RASGEF1C: variants seen among roughly 807,000 people sequenced by gnomAD.
The protein encoded by RASGEF1C is RasGEF domain family member 1C.
In RASGEF1C, 27 loss-of-function variants were observed where a neutral mutation model predicts 58.1. The observed-to-expected ratio is 0.46, with a 90% CI of 0.34 to 0.64. RASGEF1C has a LOEUF of 0.64. RASGEF1C is among the 30% of genes least tolerant of loss of function. RASGEF1C has a pLI of 0.01. For synonymous variants in RASGEF1C, 243 were observed against 246.3 expected (o/e 0.99, Z 0.13); for missense variants, 502 against 605.1 (o/e 0.83, Z 1.79).
At chr5:180,107,289 T>A (rs1476397360) in intron 12 of RASGEF1C, among the ~76,000 whole-genome samples, 1 of 152,216 alleles carries the variant, frequency 6.6e-6, no homozygotes, top group Non-Finnish European at 1.5e-5. Flanking sequence ...AGGACTTAAG[T>A]CTGCCTTTTT....
rs1443131389 is a variant in RASGEF1C, at chr5:180,159,061, TTTTG to T, written c.-6-21007_-6-21004del. On this transcript the variant is annotated intron_variant, in intron 1 of 13. Transcript: ENST00000361132. ...TTTTTTTTGTCCTTTGAATGCTACT[TTTTG>T]TTCTTTTTTTCAGAGATGTAATATC... Among the ~76,000 whole-genome samples the T allele has an allele frequency of 5.9e-5, 9 of 152,234 alleles. No individual in the cohort carries two copies. The East Asian group carries it at 1.5e-3, about 26-fold the overall frequency.
chr5:180,195,367 TGA>T (rs1441090362), intron 1 of RASGEF1C, among the ~76,000 whole-genome samples: 1 of 152,124 alleles, frequency 6.6e-6, no homozygotes, highest in Non-Finnish European at 1.5e-5. Context: ...AGGAGGTGTA[TGA>T]GACGACGACA....
chr5:180,119,028 G>A (rs1766122168), intron 8 of RASGEF1C, among the ~76,000 whole-genome samples, 162 bp from the exon 9 acceptor site: 1 of 152,214 alleles, frequency 6.6e-6, no homozygotes, highest in Non-Finnish European at 1.5e-5. Flanking sequence ...TCATGGTCAG[G>A]TAGGCCTGCT....
chr5:180,152,568 TGGGGGG>T lies in RASGEF1C; in HGVS notation c.-6-14516_-6-14511del, dbSNP rs1241932634. Among the ~76,000 whole-genome samples, 3 of 35,804 alleles carry T rather than the reference TGGGGGG, an allele frequency of 8.4e-5. No homozygotes were observed. In the South Asian group the frequency reaches 3.7e-3, roughly 44 times the overall value. The allele number at this position is 35,804 out of a possible 152,430, so 23.5% of individuals were successfully genotyped here. A position where few individuals can be genotyped will look rare whatever the true frequency, so the allele number is the denominator to read the frequency against. On this transcript the variant is annotated intron_variant, in intron 1 of 13. Transcript: ENST00000361132. ...TCACACACCGGGGCCTGTTGTGGGG[TGGGGGG>T]AGGGGGGAGGGATAGCATTAGGAGA...
intron 1 of RASGEF1C, among the ~76,000 whole-genome samples, chr5:180,175,582 C>G (rs897159752): frequency 6.6e-6 from 1 of 152,242 alleles, no homozygotes; most frequent in Non-Finnish European, 1.5e-5. Context: ...ATTTCCCGAG[C>G]CTGAGCAGTC....
At chr5:180,136,737 G>A in intron 3 of RASGEF1C, 1 of 563,638 alleles carries the variant, frequency 1.8e-6, no homozygotes, top group Non-Finnish European at 3.1e-6. Flanking sequence ...TGGCCTTTCT[G>A]CGGTTGACGG....
At chr5:180,141,436 C>G (rs947553719) in intron 1 of RASGEF1C, among the ~76,000 whole-genome samples, 2 of 152,314 alleles carry the variant, frequency 1.3e-5, no homozygotes, top group Non-Finnish European at 2.9e-5. Context: ...TTGAGGACGT[C>G]ATGCTAAGTG....
In RASGEF1C at chr5:180,121,050, G is replaced by A. The variant is rs764473336; in HGVS notation, c.804+10C>T. The A allele has an allele frequency of 2.5e-6, 4 of 1,608,688 alleles. No homozygotes were observed. Among genetic ancestry groups the A allele is most frequent in the Non-Finnish European group, 8.5e-7 (1 of 1,175,182 alleles). On this transcript the variant is annotated intron_variant, in intron 7 of 13. Transcript: ENST00000361132. ...ATGCCAGGTGGTGCCCACCCTGGCT[G>A]TCTACTCACCATGCAGATCTCAGTT... is the stretch of plus-strand genomic sequence containing the variant.
chr5:180,119,523 G>T, intron 7 of RASGEF1C, 75 bp from the exon 8 acceptor site: 1 of 1,133,302 alleles, frequency 8.8e-7, no homozygotes, highest in Non-Finnish European at 1.3e-6. Flanking sequence ...CCCCTCACCT[G>T]GCCCGCTTCA....
At chr5:180,123,813 T>G (rs973632155) in intron 6 of RASGEF1C, among the ~76,000 whole-genome samples, 12 of 152,018 alleles carry the variant, frequency 7.9e-5, no homozygotes, top group African/African-American at 1.2e-4. Context: ...GAACCTCGGA[T>G]AAGATTGATA....
intron 1 of RASGEF1C, among the ~76,000 whole-genome samples, chr5:180,139,541 C>T (rs1766542109): frequency 6.6e-6 from 1 of 152,190 alleles, no homozygotes; most frequent in Non-Finnish European, 1.5e-5. Flanking sequence ...GACTGGGTTA[C>T]AGCATGGGAA....
Position 180,119,423 on chromosome 5 carries a change from T to C in RASGEF1C, c.830A>G (p.Gln277Arg), listed in dbSNP as rs1385661032. 6.2e-7 allele frequency: 1 copy of C among 1,614,154 alleles called. No individual in the cohort carries two copies. The highest frequency in any genetic ancestry group is 8.5e-7 in the Non-Finnish European group (1 of 1,179,990). ...CMPAKKKQRA[Q>R]VIEFFIDVAR... is the part of the protein sequence containing the mutation. ...CACGTCGATGAAGAACTCAATCACC[T>C]GGGCCCTCTGCTTCTTCTTGGCTGG... Residue 277 changes from glutamine to arginine, a missense_variant, in exon 8 of 14, where the codon CAG becomes CGG. By Grantham distance (43) the Gln-to-Arg change is conservative. Transcript: ENST00000361132.
intron 1 of RASGEF1C, among the ~76,000 whole-genome samples, chr5:180,140,319 C>T (rs1766555629): frequency 6.6e-6 from 1 of 152,190 alleles, no homozygotes. Context: ...ATGGGCTTAT[C>T]CTTGTGCCGC....
At chr5:180,140,777 T>A (rs1254151685) in intron 1 of RASGEF1C, among the ~76,000 whole-genome samples, 4 of 152,222 alleles carry the variant, frequency 2.6e-5, no homozygotes, top group Non-Finnish European at 4.4e-5. Context: ...TGAGGGTGGC[T>A]GCACTGAGGG....
At chr5:180,201,073 G>A (rs1336091039) in intron 1 of RASGEF1C, among the ~76,000 whole-genome samples, 1 of 152,188 alleles carries the variant, frequency 6.6e-6, no homozygotes. Flanking sequence ...ACTACAGCCT[G>A]GGTGACAGAG....
chr5:180,124,404 CACTG>C (rs765666625), intron 6 of RASGEF1C, among the ~76,000 whole-genome samples: 5 of 152,206 alleles, frequency 3.3e-5, no homozygotes, highest in African/African-American at 4.8e-5. Context: ...AGTTCAGTCT[CACTG>C]ACGATTATAG....
At chr5:180,182,303 T>C (rs930479318) in intron 1 of RASGEF1C, among the ~76,000 whole-genome samples, 2 of 150,760 alleles carry the variant, frequency 1.3e-5, no homozygotes, top group Admixed American at 6.6e-5. Flanking sequence ...GTTTCTTCCT[T>C]CCGGTGGGTT....
rs187300623 is a variant in RASGEF1C at position 180,205,138 on chromosome 5, G to C, written c.-7+3890C>G. 3.7e-4 allele frequency among the ~76,000 whole-genome samples: 56 copies of C among 152,250 alleles called. No homozygotes were observed. The East Asian group carries it at 0.01, about 28-fold the overall frequency. ...TGGAAGGTGGAGGTTGTGGTGAGCA[G>C]AGATCACGCTACTGCATTCCAGCCT... On this transcript the variant is annotated intron_variant, in intron 1 of 13. Coordinates refer to ENST00000361132, the MANE Select transcript of RASGEF1C (RefSeq NM_175062.4).
At position 180,177,343 on chromosome 5, in the gene RASGEF1C, C is replaced by T. The variant is rs1767247997; in HGVS notation, c.-7+31685G>A. ...TCACCCAGCAGCTTCCCCAAAGACACAGGCTGTTCATCGGCTCCATTTTTA... is the reference window on the plus strand; with the variant it reads ...TCACCCAGCAGCTTCCCCAAAGACATAGGCTGTTCATCGGCTCCATTTTTA... On this transcript the variant is annotated intron_variant, in intron 1 of 13. Transcript: ENST00000361132. This position sits in a 1 kb window ranked among gnomAD's most constrained non-coding sequence, Gnocchi z 5.0. 6.6e-6 allele frequency among the ~76,000 whole-genome samples: 1 copy of T among 152,214 alleles called. No homozygotes were observed. Among genetic ancestry groups the T allele is most frequent in the Admixed American group, 6.5e-5 (1 of 15,276 alleles).
Sources: gnomAD v4.1 joint callset for allele counts (sites outside exome capture counted in the v4.1 genomes callset) on GRCh38, gnomAD v4.1.1 for gene constraint, Gnocchi (gnomAD v3.1) non-coding constraint, MANE v1.5 for transcripts, NCBI Gene and HGNC (gene_info 2026-07-23, HGNC 2026-07-21) for gene names.